Variants in SEMA4B observed in about 807,000 individuals in gnomAD.
SEMA4B encodes the protein semaphorin-4B.
Under a neutral mutation model 88.1 loss-of-function variants are expected in SEMA4B, and 55 were observed. The observed-to-expected ratio is 0.62, with a 90% CI of 0.50 to 0.78. The LOEUF is 0.78. Among genes scored for constraint, SEMA4B ranks in the 30% least tolerant of loss-of-function variants. SEMA4B has a pLI of 0.00. For missense variants in SEMA4B, 1,062 were observed against 1,111.9 expected, an observed-to-expected ratio of 0.96 and a Z score of 0.64; for synonymous variants, 525 against 473.6, an observed-to-expected ratio of 1.11 and a Z score of -1.41.
intron 1 of SEMA4B, among the ~76,000 whole-genome samples, chr15:90,215,482 CTTG>C (rs1000589671): frequency 6.6e-6 from 1 of 152,122 alleles, no homozygotes; most frequent in African/African-American, 2.4e-5. Flanking sequence ...CGTGTCTTTC[CTTG>C]TTGTTATTCT....
chr15:90,184,977 G>A (rs1379343517), exon 1 of SEMA4B: 1 of 985,746 alleles, frequency 1.0e-6, no homozygotes, highest in African/African-American at 1.7e-5. Context: ...GGGTCCCCAG[G>A]GGCTGCGCCG....
intron 1 of SEMA4B, among the ~76,000 whole-genome samples, chr15:90,203,538 G>A (rs562552334): frequency 2.1e-4 from 32 of 152,184 alleles, no homozygotes; most frequent in Non-Finnish European, 4.6e-4. Context: ...GGAGAGCAGC[G>A]AGGGGAATCG....
At chr15:90,200,914 T>A (rs530764314), upstream of SEMA4B, among the ~76,000 whole-genome samples, 156 of 151,970 alleles carry the variant, frequency 1.0e-3, 1 homozygote, top group African/African-American at 3.7e-3. Flanking sequence ...CTCGGCCGAG[T>A]TCATTTGGTC....
At chr15:90,219,996 A>G in intron 4 of SEMA4B, 105 bp downstream of exon 4, 1 of 846,882 alleles carries the variant, frequency 1.2e-6, no homozygotes, top group East Asian at 2.7e-5. Context: ...GGCAGGGCCC[A>G]GAGGGAGGTT....
rs772940248 is a variant in SEMA4B at position 90,228,005 on chromosome 15, G to A, written c.1876G>A (p.Gly626Arg). 39 of 1,613,742 alleles carry A rather than the reference G, an allele frequency of 2.4e-5. No individual in the cohort carries two copies. The East Asian group carries it at 3.8e-4, about 16-fold the overall frequency. ...NLATRLWLRN[G>R]APVNASASCH... ...GGCGACCCGACTCTGGCTACGCAAC[G>A]GGGCCCCCGTCAATGCCTCGGCCTC... Residue 626 changes from glycine to arginine, a missense_variant, in exon 14 of 14, where the codon GGG (glycine) becomes AGG (arginine). Gly to Arg is a moderately radical substitution (Grantham distance 125). Transcript: ENST00000411539.
chr15:90,229,510 C>G lies in SEMA4B; in HGVS notation c.*867C>G, dbSNP rs953908520. ...GCACCCTGGTCCTCTCCCCAGTCCC[C>G]AGTTCACCCTCCATCCCTCACCTTC... On this transcript the variant is annotated 3_prime_UTR_variant, in exon 14 of 14. Coordinates refer to ENST00000411539, the MANE Select transcript of SEMA4B (RefSeq NM_198925.4). The G allele has an allele frequency of 5.9e-4, 247 of 418,346 alleles. 3 individuals are homozygous for G. Among genetic ancestry groups the G allele is most frequent in the South Asian group, 4.3e-3 (242 of 56,516 alleles). 25.9% of individuals were successfully genotyped at this position (418,346 alleles called of 1,614,324 possible).
Position 90,212,398 on chromosome 15 carries a change from G to A in SEMA4B, c.158-5041G>A, listed in dbSNP as rs1298196256. On this transcript the variant is annotated intron_variant, in intron 1 of 13. Coordinates refer to ENST00000411539, the MANE Select transcript of SEMA4B (RefSeq NM_198925.4). This position sits in a 1 kb window ranked among gnomAD's most constrained non-coding sequence, Gnocchi z 4.0. ...GGAAAACCGGCCGCAGCCTCGGCGT[G>A]CCCTGCTTTCTTCATACTGGACTAA... Among the ~76,000 whole-genome samples the A allele has an allele frequency of 6.6e-6, 1 of 152,172 alleles. No individual in the cohort carries two copies. The highest frequency in any genetic ancestry group is 1.5e-5 in the Non-Finnish European group (1 of 68,028).
At chr15:90,188,917 C>T (rs112205200) in intron 1 of SEMA4B, among the ~76,000 whole-genome samples, 35,892 of 151,938 alleles carry the variant, frequency 0.24, 4,861 homozygotes, top group Middle Eastern at 0.33. Flanking sequence ...GATCCGCCCG[C>T]CTCAGCCTCC....
rs3833824 is a variant in SEMA4B at position 90,219,719 on chromosome 15, AG to A, written c.385-67del. Reference sequence around the variant, plus strand: ...AGCAGAGGCCGGGCCTGGGTGTGGAAGGGGGGGCTCGGCGGTGCCCCCTGGT... The same window carrying A: ...AGCAGAGGCCGGGCCTGGGTGTGGAAGGGGGGCTCGGCGGTGCCCCCTGGT... On this transcript the variant is annotated intron_variant, in intron 3 of 13. Coordinates refer to ENST00000411539, the MANE Select transcript of SEMA4B (RefSeq NM_198925.4). 112 of 1,141,168 alleles carry A rather than the reference AG, an allele frequency of 9.8e-5. 2 individuals carry two copies. In the South Asian group the frequency reaches 1.1e-3, roughly 12 times the overall value. 70.7% of individuals were successfully genotyped at this position (1,141,168 alleles called of 1,614,324 possible).
At chr15:90,224,575 G>A (rs1167473029) in intron 9 of SEMA4B, among the ~76,000 whole-genome samples, 1 of 152,208 alleles carries the variant, frequency 6.6e-6, no homozygotes, top group East Asian at 1.9e-4. Context: ...GCACCTCTCA[G>A]AATTTCAGGA....
intron 3 of SEMA4B, among the ~76,000 whole-genome samples, chr15:90,218,466 A>G (rs1367707412): frequency 6.6e-6 from 1 of 152,218 alleles, no homozygotes; most frequent in Non-Finnish European, 1.5e-5. Flanking sequence ...CTCTGTGTCC[A>G]TGTACTTTTA....
intron 1 of SEMA4B, among the ~76,000 whole-genome samples, chr15:90,190,981 G>T (rs1236910976): frequency 2.6e-5 from 4 of 152,210 alleles, no homozygotes; most frequent in Non-Finnish European, 4.4e-5. Context: ...GTCTTCCTAT[G>T]TTGCCCATCT....
intron 7 of SEMA4B, among the ~76,000 whole-genome samples, chr15:90,222,330 G>A (rs1366244112): frequency 6.6e-6 from 1 of 150,448 alleles, no homozygotes; most frequent in Non-Finnish European, 1.5e-5. Context: ...AGCACTTTGG[G>A]AGGCCAAGGT....
intron 1 of SEMA4B, among the ~76,000 whole-genome samples, chr15:90,186,108 A>C (rs1018766014): frequency 6.6e-6 from 1 of 151,484 alleles, no homozygotes; most frequent in Admixed American, 6.6e-5. Context: ...TAATTTTTGT[A>C]TTTTTAGTAG....
upstream of SEMA4B, among the ~76,000 whole-genome samples, chr15:90,196,547 C>T (rs998685967): frequency 1.3e-5 from 2 of 152,176 alleles, no homozygotes; most frequent in Middle Eastern, 3.4e-3. Context: ...AGTGCAGTGG[C>T]GTGATCTCGG....
rs1179758866 is a variant in SEMA4B at position 90,229,530 on chromosome 15, A to G, written c.*887A>G. 7.5e-6 allele frequency: 3 copies of G among 401,060 alleles called. No homozygotes were observed. Among genetic ancestry groups the G allele is most frequent in the East Asian group, 7.2e-5 (1 of 13,874 alleles). 24.8% of individuals were successfully genotyped at this position (401,060 alleles called of 1,614,324 possible). A position where few individuals can be genotyped will look rare whatever the true frequency, so the allele number is the denominator to read the frequency against. On this transcript the variant is annotated 3_prime_UTR_variant, in exon 14 of 14. Coordinates refer to ENST00000411539, the MANE Select transcript of SEMA4B (RefSeq NM_198925.4). ...GTCCCCAGTTCACCCTCCATCCCTC[A>G]CCTTCCTCCACTCTAAGGGATATCA...
intron 1 of SEMA4B, among the ~76,000 whole-genome samples, chr15:90,209,563 G>A (rs770678403): frequency 6.6e-6 from 1 of 151,470 alleles, no homozygotes; most frequent in Admixed American, 6.6e-5. Flanking sequence ...GAGCAAGACT[G>A]TCTTAAAAAA....
intron 1 of SEMA4B, among the ~76,000 whole-genome samples, chr15:90,191,011 A>G (rs901155896): frequency 1.3e-5 from 2 of 152,146 alleles, no homozygotes; most frequent in Non-Finnish European, 2.9e-5. Flanking sequence ...TGGACAGGCG[A>G]GTGGGTGCAA....
intron 1 of SEMA4B, among the ~76,000 whole-genome samples, chr15:90,189,153 G>A (rs576323006): frequency 1.3e-5 from 2 of 152,042 alleles, no homozygotes; most frequent in Admixed American, 1.3e-4. Context: ...GGAAGTGAGC[G>A]AGGGCAGGAA....
Sources: allele counts gnomAD v4.1 joint callset (sites outside exome capture counted in the v4.1 genomes callset), GRCh38; gene constraint gnomAD v4.1.1; non-coding constraint Gnocchi (gnomAD v3.1); transcripts MANE v1.5; gene names NCBI Gene and HGNC (gene_info 2026-07-23, HGNC 2026-07-21).